GULP1: variants seen among roughly 807,000 people sequenced by gnomAD.
The protein encoded by GULP1 is PTB domain-containing engulfment adapter protein 1.
In GULP1, 19 loss-of-function variants were observed where a neutral mutation model predicts 40.9. That is an observed-to-expected ratio of 0.46 (90% CI 0.32 to 0.68). The LOEUF (loss-of-function observed/expected upper bound fraction) is 0.68. Among genes scored for constraint, GULP1 ranks in the 30% least tolerant of loss-of-function variants. The pLI is 0.03. For missense variants in GULP1, 312 were observed against 362.2 expected (o/e 0.86, Z 1.12); for synonymous variants, 119 against 117.6 (o/e 1.01, Z -0.08).
intron 4 of GULP1, among the ~76,000 whole-genome samples, chr2:188,515,224 G>A (rs2153219957): frequency 6.6e-6 from 1 of 152,214 alleles, no homozygotes. Flanking sequence ...GCATTCAGGA[G>A]TATTAATGTC....
At chr2:188,325,377 G>GTTGT (rs1393406676) in intron 1 of GULP1, among the ~76,000 whole-genome samples, 1 of 152,004 alleles carries the variant, frequency 6.6e-6, no homozygotes, top group East Asian at 1.9e-4. Flanking sequence ...AAATTTTGCT[G>GTTGT]TTGTTACTTC....
chr2:188,514,000 G>A (rs569515028), intron 4 of GULP1, among the ~76,000 whole-genome samples: 51 of 149,688 alleles, frequency 3.4e-4, no homozygotes, highest in Non-Finnish European at 6.5e-4. Flanking sequence ...TCCAAAATGC[G>A]CAGGTTTGGT....
At chr2:188,568,597 A>C (rs749521481) in intron 7 of GULP1, among the ~76,000 whole-genome samples, 7 of 152,182 alleles carry the variant, frequency 4.6e-5, no homozygotes, top group Non-Finnish European at 8.8e-5. Flanking sequence ...CATCGCTTAA[A>C]ATTGGGAGCT....
intron 1 of GULP1, among the ~76,000 whole-genome samples, chr2:188,356,023 A>G (rs1254668898): frequency 6.6e-6 from 1 of 152,098 alleles, no homozygotes; most frequent in East Asian, 1.9e-4. Context: ...TATGTATAGG[A>G]GGAACATGCC....
At chr2:188,367,677 A>G (rs1048085965) in intron 1 of GULP1, among the ~76,000 whole-genome samples, 1 of 152,176 alleles carries the variant, frequency 6.6e-6, no homozygotes, top group African/African-American at 2.4e-5. Context: ...TACATACTGA[A>G]GCCCAAGGAG....
intron 1 of GULP1, among the ~76,000 whole-genome samples, chr2:188,348,900 C>G (rs1188230553): frequency 6.6e-6 from 1 of 152,090 alleles, no homozygotes; most frequent in African/African-American, 2.4e-5. Context: ...AAGTATGAAC[C>G]GATTTTGCAA....
intron 4 of GULP1, among the ~76,000 whole-genome samples, chr2:188,511,235 A>G (rs1003688174): frequency 6.6e-6 from 1 of 152,200 alleles, no homozygotes; most frequent in Non-Finnish European, 1.5e-5. Context: ...GAAACATTAT[A>G]TAACATAAAT....
chr2:188,535,901 GA>G (rs2153275964), intron 6 of GULP1, among the ~76,000 whole-genome samples: 1 of 152,170 alleles, frequency 6.6e-6, no homozygotes, highest in African/African-American at 2.4e-5. Flanking sequence ...ATTGGTGTGA[GA>G]TCATATCTCT....
At chr2:188,583,806 C>T (rs1477808883) in intron 9 of GULP1, among the ~76,000 whole-genome samples, 1 of 152,082 alleles carries the variant, frequency 6.6e-6, no homozygotes, top group African/African-American at 2.4e-5. Flanking sequence ...AAATCAATTG[C>T]ATTTGAATGT....
At position 188,477,720 on chromosome 2, in the gene GULP1, C is replaced by T; in HGVS notation, c.18C>T (p.Ser6=). 1 of 1,601,460 alleles carries T rather than the reference C, an allele frequency of 6.2e-7. No individual in the cohort carries two copies. The change falls in exon 3 of 12, where the codon AGC becomes AGT. Residue 6 remains serine (S), a synonymous_variant. Coordinates refer to ENST00000409830, the MANE Select transcript of GULP1 (RefSeq NM_016315.4). MNRAF[S]RKKDKTWMHT... ...TCCTCATCATGAACCGTGCTTTTAG[C>T]AGGAAGAAAGGTAAGTGTGGTCATT... is the stretch of plus-strand genomic sequence containing the variant.
At chr2:188,544,748 G>A (rs944369892) in intron 7 of GULP1, among the ~76,000 whole-genome samples, 42 of 151,922 alleles carry the variant, frequency 2.8e-4, no homozygotes, top group African/African-American at 8.4e-4. Flanking sequence ...CTGTGGGACC[G>A]TAACAAAATA....
At chr2:188,311,659 A>G (rs76978621) in intron 1 of GULP1, among the ~76,000 whole-genome samples, 4,085 of 150,938 alleles carry the variant, frequency 0.027, 186 homozygotes, top group East Asian at 0.18. Context: ...GAAATTTACT[A>G]TGAAGTTATA....
chr2:188,422,133 T>G (rs1331244894), intron 2 of GULP1, among the ~76,000 whole-genome samples: 3 of 151,582 alleles, frequency 2.0e-5, no homozygotes, highest in Non-Finnish European at 2.9e-5. Flanking sequence ...ACCTTTTCAT[T>G]TCTTTTTAAA....
intron 1 of GULP1, among the ~76,000 whole-genome samples, chr2:188,312,101 A>C (rs866399104): frequency 5.3e-5 from 8 of 151,794 alleles, no homozygotes. Flanking sequence ...TAGATTTGCT[A>C]TTGTCTTTCT....
chr2:188,423,266 A>G (rs1176384380), intron 2 of GULP1, among the ~76,000 whole-genome samples: 2 of 152,084 alleles, frequency 1.3e-5, no homozygotes, highest in Non-Finnish European at 2.9e-5. Context: ...TAAAAGATGA[A>G]GAAATAGCTT....
intron 4 of GULP1, among the ~76,000 whole-genome samples, chr2:188,503,480 A>T (rs1334003718): frequency 6.6e-6 from 1 of 151,902 alleles, no homozygotes; most frequent in Non-Finnish European, 1.5e-5. Flanking sequence ...ACTCACTATC[A>T]TGAAAACAAC....
intron 1 of GULP1, among the ~76,000 whole-genome samples, chr2:188,353,973 A>G (rs1348039512): frequency 6.6e-6 from 1 of 151,790 alleles, no homozygotes; most frequent in East Asian, 2.0e-4. Flanking sequence ...GCAGTGGATG[A>G]ACTGAGACAC....
In GULP1 at chr2:188,515,354, G is replaced by A. The variant is rs376055734; in HGVS notation, c.91-7402G>A. Among the ~76,000 whole-genome samples the A allele has an allele frequency of 1.5e-4, 23 of 152,118 alleles. 1 individual carries two copies. In the East Asian group the frequency reaches 3.9e-3, roughly 26 times the overall value. On this transcript the variant is annotated intron_variant, in intron 4 of 11. Transcript: ENST00000409830. ...CTACCTGAGGACCCAGGATGCTGGC[G>A]CTCTTTTCAATCTCTCAGCCTTTCA...
At chr2:188,346,654 G>A (rs955831517) in intron 1 of GULP1, among the ~76,000 whole-genome samples, 8 of 149,602 alleles carry the variant, frequency 5.3e-5, no homozygotes, top group Admixed American at 2.7e-4. Flanking sequence ...CACCACGCCC[G>A]GCTAATTTTT....
Sources: allele counts gnomAD v4.1 joint callset (sites outside exome capture counted in the v4.1 genomes callset), GRCh38; gene constraint gnomAD v4.1.1; transcripts MANE v1.5; gene names NCBI Gene and HGNC (gene_info 2026-07-23, HGNC 2026-07-21).